Variants in DLGAP1 observed in about 807,000 individuals in gnomAD.
DLGAP1 encodes the protein DLG associated protein 1.
A neutral mutation model predicts 90.8 loss-of-function variants in DLGAP1; 11 were observed. The ratio of observed to expected loss-of-function variants is 0.12; its 90% CI spans 0.08 to 0.20. The LOEUF is 0.20. Among genes scored for constraint, DLGAP1 ranks in the 10% least tolerant of loss-of-function variants. DLGAP1 has a pLI of 1.00. For synonymous variants in DLGAP1, 558 were observed against 540.7 expected, an observed-to-expected ratio of 1.03 and a Z score of -0.44; for missense variants, 1,050 against 1,333.8, an observed-to-expected ratio of 0.79 and a Z score of 3.31.
intron 2 of DLGAP1, among the ~76,000 whole-genome samples, chr18:4,107,514 G>A (rs2075890668): frequency 6.6e-6 from 1 of 152,130 alleles, no homozygotes; most frequent in African/African-American, 2.4e-5. Flanking sequence ...TATGAAAAAA[G>A]GGATTTCAGG....
At chr18:3,922,249 A>G (rs1338442846) in intron 3 of DLGAP1, among the ~76,000 whole-genome samples, 1 of 152,210 alleles carries the variant, frequency 6.6e-6, no homozygotes, top group East Asian at 1.9e-4. Context: ...TAAATAATAA[A>G]TTAAAAGAAA....
intron 3 of DLGAP1, among the ~76,000 whole-genome samples, chr18:3,921,865 G>T (rs2072275759): frequency 1.3e-5 from 2 of 152,138 alleles, no homozygotes; most frequent in African/African-American, 2.4e-5. Context: ...TGAACGTCAG[G>T]TGGCTGTGAG....
intron 3 of DLGAP1, among the ~76,000 whole-genome samples, chr18:3,966,531 A>G (rs941704207): frequency 2.6e-5 from 4 of 151,242 alleles, no homozygotes; most frequent in African/African-American, 9.9e-5. Context: ...GCAGAAGATG[A>G]GATACTAAAA....
chr18:3,982,345 C>T (rs975057599), intron 3 of DLGAP1, among the ~76,000 whole-genome samples: 1 of 151,424 alleles, frequency 6.6e-6, no homozygotes, highest in Non-Finnish European at 1.5e-5. Context: ...TATACATGGA[C>T]GTGTGCCTTC....
chr18:3,838,167 T>C (rs1032792840), intron 4 of DLGAP1, among the ~76,000 whole-genome samples: 1 of 152,216 alleles, frequency 6.6e-6, no homozygotes, highest in Non-Finnish European at 1.5e-5. Flanking sequence ...TGTTTTCATC[T>C]AAGATTACCC....
At chr18:3,609,844 G>A (rs1246775559) in intron 7 of DLGAP1, among the ~76,000 whole-genome samples, 1 of 151,568 alleles carries the variant, frequency 6.6e-6, no homozygotes, top group Admixed American at 6.6e-5. Context: ...GATCATTTGA[G>A]GTCAGAAGTT....
At chr18:4,288,080 T>TATA (rs1359088677) in intron 1 of DLGAP1, among the ~76,000 whole-genome samples, 15 of 149,588 alleles carry the variant, frequency 1.0e-4, no homozygotes, top group Non-Finnish European at 1.8e-4. Flanking sequence ...TTTATTATTA[T>TATA]ACTTTAAGTT....
intron 1 of DLGAP1, among the ~76,000 whole-genome samples, chr18:4,228,630 T>G (rs2145034230): frequency 6.6e-6 from 1 of 152,070 alleles, no homozygotes; most frequent in Admixed American, 6.6e-5. Context: ...TTGATAAAAC[T>G]TAACATTGTT....
At chr18:3,566,509 A>G (rs1000114863) in intron 9 of DLGAP1, among the ~76,000 whole-genome samples, 2 of 152,032 alleles carry the variant, frequency 1.3e-5, no homozygotes, top group African/African-American at 4.8e-5. Flanking sequence ...AGAGGTTCTA[A>G]AACAGGACCA....
At chr18:3,740,952 G>GTCACCACCACCACCACCATCACA (rs1261295263) in intron 6 of DLGAP1, among the ~76,000 whole-genome samples, 2 of 84,234 alleles carry the variant, frequency 2.4e-5, no homozygotes, top group East Asian at 6.8e-4. Flanking sequence ...TGCCACCACT[G>GTCACCACCACCACCACCATCACA]TCACCACCAC....
intron 1 of DLGAP1, among the ~76,000 whole-genome samples, chr18:4,348,400 ATGTGTGTGTG>A (rs71160958): frequency 2.0e-4 from 27 of 133,486 alleles, no homozygotes; most frequent in African/African-American, 5.5e-4. Context: ...GAACTCAGGA[ATGTGTGTGTG>A]TGTGTGTGTG....
chr18:4,249,461 A>G (rs1156526647), intron 1 of DLGAP1, among the ~76,000 whole-genome samples: 1 of 152,058 alleles, frequency 6.6e-6, no homozygotes, highest in East Asian at 1.9e-4. Context: ...AAAAAAAAAA[A>G]AAAAAAAGTG....
At chr18:3,618,628 C>T (rs889741119) in intron 7 of DLGAP1, among the ~76,000 whole-genome samples, 11 of 2,340 alleles carry the variant, frequency 4.7e-3, no homozygotes, top group South Asian at 0.029. Flanking sequence ...CCAACCCTAA[C>T]CCAACATAGC....
At chr18:3,734,968 G>C (rs1192584062) in intron 6 of DLGAP1, among the ~76,000 whole-genome samples, 1 of 151,832 alleles carries the variant, frequency 6.6e-6, no homozygotes, top group Non-Finnish European at 1.5e-5. Flanking sequence ...TAATAATTCT[G>C]ACCACAATAC....
At position 3,597,448 on chromosome 18, in the gene DLGAP1, T is replaced by G. The variant is rs2145656332; in HGVS notation, c.1592-15200A>C. Reference sequence around the variant, plus strand: ...GGTATTGTGCACTTATTGCCAATTCTTGCTTCAGTAAGTGGGGTGGCTGTG... The same window carrying G: ...GGTATTGTGCACTTATTGCCAATTCGTGCTTCAGTAAGTGGGGTGGCTGTG... On this transcript the variant is annotated intron_variant, in intron 7 of 12. Coordinates refer to ENST00000315677, the MANE Select transcript of DLGAP1 (RefSeq NM_004746.4). 8.4e-6 allele frequency: 3 copies of G among 357,762 alleles called. No homozygotes were observed. The Admixed American group carries it at 1.2e-4, about 15-fold the overall frequency. 22.2% of individuals were successfully genotyped at this position (357,762 alleles called of 1,614,324 possible).
intron 3 of DLGAP1, among the ~76,000 whole-genome samples, chr18:4,003,986 T>G (rs1324117939): frequency 6.6e-6 from 1 of 152,106 alleles, no homozygotes; most frequent in African/African-American, 2.4e-5. Flanking sequence ...CAGACTATAA[T>G]ATTCAGGATA....
At chr18:4,161,355 G>GT (rs1337440280) in intron 1 of DLGAP1, among the ~76,000 whole-genome samples, 1 of 152,076 alleles carries the variant, frequency 6.6e-6, no homozygotes, top group Non-Finnish European at 1.5e-5. Context: ...TTGGTTTTAT[G>GT]TTCCTGCATT....
intron 1 of DLGAP1, among the ~76,000 whole-genome samples, chr18:4,269,766 C>A (rs1196990057): frequency 6.6e-6 from 1 of 151,906 alleles, no homozygotes; most frequent in African/African-American, 2.4e-5. Context: ...AATGATAAGT[C>A]TAGTTATTAA....
intron 2 of DLGAP1, among the ~76,000 whole-genome samples, chr18:4,018,916 G>T (rs1171956864): frequency 6.6e-6 from 1 of 152,210 alleles, no homozygotes; most frequent in Non-Finnish European, 1.5e-5. Flanking sequence ...CACTTGGAAA[G>T]GGCTATCATT....
Sources: gnomAD v4.1 joint callset for allele counts (sites outside exome capture counted in the v4.1 genomes callset) on GRCh38, gnomAD v4.1.1 for gene constraint, MANE v1.5 for transcripts, NCBI Gene and HGNC (gene_info 2026-07-23, HGNC 2026-07-21) for gene names.